Variants in IRAK1BP1 observed in about 807,000 individuals in gnomAD.
The protein encoded by IRAK1BP1 is interleukin 1 receptor associated kinase 1 binding protein 1, also known as interleukin-1 receptor-associated kinase 1-binding protein 1.
In IRAK1BP1, 24 loss-of-function variants were observed where a neutral mutation model predicts 28.0. The observed-to-expected ratio is 0.86, with a 90% CI of 0.62 to 1.20. The LOEUF (loss-of-function observed/expected upper bound fraction) is 1.20. Among genes scored for constraint, IRAK1BP1 ranks in the 50% most tolerant of loss-of-function variants. The pLI is 0.00. For missense variants in IRAK1BP1, 336 were observed against 316.7 expected, an observed-to-expected ratio of 1.06 and a Z score of -0.46; for synonymous variants, 131 against 116.3, an observed-to-expected ratio of 1.13 and a Z score of -0.81.
chr6:78,946,620 G>T, downstream of IRAK1BP1: 2 of 1,455,516 alleles, frequency 1.4e-6, no homozygotes, highest in Non-Finnish European at 1.8e-6. Flanking sequence ...GCAATATAGG[G>T]AATAGTAAAG....
At chr6:78,879,369 T>TAAAAAAAATAA (rs988868228) in intron 1 of IRAK1BP1, among the ~76,000 whole-genome samples, 1 of 151,918 alleles carries the variant, frequency 6.6e-6, no homozygotes, top group African/African-American at 2.4e-5. Context: ...TTTAAAAAAA[T>TAAAAAAAATAA]AAAAAAATCA....
At chr6:78,948,807 C>T (rs1226085510), downstream of IRAK1BP1, among the ~76,000 whole-genome samples, 1 of 152,144 alleles carries the variant, frequency 6.6e-6, no homozygotes, top group African/African-American at 2.4e-5. Context: ...AGCTTTTCAA[C>T]AGTCCCTCAG....
the IRAK1BP1 span, among the ~76,000 whole-genome samples, chr6:78,974,053 C>G: frequency 6.6e-6 from 1 of 152,280 alleles, no homozygotes; most frequent in East Asian, 1.9e-4. Context: ...AACTCTCCAC[C>G]TCAAATCAAC....
At chr6:78,949,839 C>T (rs1454093015), downstream of IRAK1BP1, among the ~76,000 whole-genome samples, 1 of 152,080 alleles carries the variant, frequency 6.6e-6, no homozygotes, top group East Asian at 1.9e-4. Flanking sequence ...TAGGTGCACG[C>T]CACTGCACCC....
chr6:78,936,104 G>C (rs139983593), intron 4 of IRAK1BP1: 1 of 151,928 alleles, frequency 6.6e-6, no homozygotes, highest in Admixed American at 6.5e-5. Context: ...TGATACTCCA[G>C]GTTCGGAAGG....
chr6:78,931,990 GTATT>G (rs1158964697), intron 4 of IRAK1BP1, among the ~76,000 whole-genome samples: 1 of 152,158 alleles, frequency 6.6e-6, no homozygotes, highest in Non-Finnish European at 1.5e-5. Flanking sequence ...AGTTTATGTA[GTATT>G]TAAATTCTTT....
At position 78,901,113 on chromosome 6, in the gene IRAK1BP1, G is replaced by T. The variant is rs772172458; in HGVS notation, c.*2779G>T. On this transcript the variant is annotated 3_prime_UTR_variant, in exon 4 of 4. Transcript: ENST00000369940. The stretch of plus-strand genomic sequence containing the variant: ...GGTAGTTTTTTTTTTTTTAGCTATG[G>T]GTTCATGCTGTATTTGGTTGCATCA... 8 of 150,808 alleles carry T rather than the reference G, an allele frequency of 5.3e-5. No homozygotes were observed. The highest frequency in any genetic ancestry group is 1.2e-4 in the Non-Finnish European group (8 of 67,692). 9.3% of individuals were successfully genotyped at this position (150,808 alleles called of 1,614,324 possible).
In IRAK1BP1 at chr6:78,871,290, G is replaced by C. The variant is rs569701639; in HGVS notation, c.315+3399G>C. The C allele has an allele frequency of 5.4e-5, 53 of 985,264 alleles. No homozygotes were observed. The African/African-American group carries it at 9.1e-4, about 17-fold the overall frequency. The allele number at this position is 985,264 out of a possible 1,614,324, so 61.0% of individuals were successfully genotyped here. A position where few individuals can be genotyped will look rare whatever the true frequency, so the allele number is the denominator to read the frequency against. ...TCACAAAAGTGTTTCGGTCACTCAG[G>C]ATGCATATCTAAGTTCTAGTGCAAG... On this transcript the variant is annotated intron_variant, in intron 1 of 3. Coordinates refer to ENST00000369940, the MANE Select transcript of IRAK1BP1 (RefSeq NM_001010844.4).
the IRAK1BP1 span, among the ~76,000 whole-genome samples, chr6:78,953,033 A>C: frequency 6.6e-6 from 1 of 151,582 alleles, no homozygotes; most frequent in Non-Finnish European, 1.5e-5. Context: ...ACTCCCTTAT[A>C]TAGGTGTTGT....
At chr6:78,957,149 AAGT>A in the IRAK1BP1 span, 1 of 152,216 alleles carries the variant, frequency 6.6e-6, no homozygotes, top group Admixed American at 6.5e-5. Flanking sequence ...AGACATTTCA[AAGT>A]AGCCGTTTGA....
At chr6:78,976,874 C>G in the IRAK1BP1 span, among the ~76,000 whole-genome samples, 2 of 92,620 alleles carry the variant, frequency 2.2e-5, no homozygotes, top group African/African-American at 8.4e-5. Context: ...AGTCAGGAAA[C>G]AACAGGTGCT....
intron 2 of IRAK1BP1, among the ~76,000 whole-genome samples, chr6:78,887,653 A>G (rs1190417684): frequency 1.3e-5 from 2 of 152,068 alleles, no homozygotes; most frequent in East Asian, 1.9e-4. Context: ...GCGACAGAGC[A>G]AGACTCCATC....
At chr6:78,905,709 C>T (rs902758833), downstream of IRAK1BP1, among the ~76,000 whole-genome samples, 1 of 152,144 alleles carries the variant, frequency 6.6e-6, no homozygotes, top group African/African-American at 2.4e-5. Context: ...TCAAGTGATT[C>T]TCCTGCCTCA....
chr6:78,920,113 G>A (rs775146279), intron 4 of IRAK1BP1, among the ~76,000 whole-genome samples: 3 of 152,102 alleles, frequency 2.0e-5, no homozygotes, highest in Admixed American at 1.3e-4. Context: ...AATTAGCTGG[G>A]TGTGATTGTG....
At chr6:78,926,340 T>C (rs1332845768) in intron 4 of IRAK1BP1, among the ~76,000 whole-genome samples, 9 of 152,044 alleles carry the variant, frequency 5.9e-5, no homozygotes, top group Admixed American at 5.2e-4. Context: ...CAAAAGAAAA[T>C]CATTCTACTA....
chr6:78,946,861 C>T, downstream of IRAK1BP1: 7 of 1,564,948 alleles, frequency 4.5e-6, no homozygotes, highest in Non-Finnish European at 6.0e-6. Flanking sequence ...CAGGCGCAAA[C>T]TCATGCTGTA....
At chr6:78,934,827 C>A (rs748864109) in intron 4 of IRAK1BP1, among the ~76,000 whole-genome samples, 1 of 152,160 alleles carries the variant, frequency 6.6e-6, no homozygotes, top group Admixed American at 6.6e-5. Flanking sequence ...AGGTCAAATT[C>A]CCATTTCCCA....
At chr6:78,887,118 G>A (rs1219454610) in intron 2 of IRAK1BP1, among the ~76,000 whole-genome samples, 1 of 152,168 alleles carries the variant, frequency 6.6e-6, no homozygotes, top group Non-Finnish European at 1.5e-5. Context: ...ACACATACCA[G>A]TATTCTTAAG....
At chr6:78,871,564 T>C (rs1770792247) in intron 1 of IRAK1BP1, 1 of 982,454 alleles carries the variant, frequency 1.0e-6, no homozygotes, top group Admixed American at 6.1e-5. Context: ...ATGGACTAAA[T>C]GTTTGTTTCC....
Sources: allele counts gnomAD v4.1 joint callset (sites outside exome capture counted in the v4.1 genomes callset), GRCh38; gene constraint gnomAD v4.1.1; transcripts MANE v1.5; gene names NCBI Gene and HGNC (gene_info 2026-07-23, HGNC 2026-07-21).